Variants in AFF2 observed in about 807,000 individuals in gnomAD.
AFF2 encodes AF4/FMR2 family member 2.
AFF2 carries 14 observed loss-of-function variants against 76.9 expected under a neutral mutation model. The ratio of observed to expected loss-of-function variants is 0.18; its 90% confidence interval spans 0.12 to 0.28. The LOEUF is 0.28. Among genes scored for constraint, AFF2 ranks in the 10% least tolerant of loss-of-function variants. The pLI, the probability that AFF2 is intolerant of heterozygous loss-of-function variation, is 1.00. For synonymous variants in AFF2, 398 were observed against 366.7 expected, an observed-to-expected ratio of 1.09 and a Z score of -0.98; for missense variants, 868 against 1,001.1, an observed-to-expected ratio of 0.87 and a Z score of 1.79.
chrX:148,867,616 C>T (rs962888885), intron 7 of AFF2, among the ~76,000 whole-genome samples: 3 of 112,177 alleles, frequency 2.7e-5, no homozygotes, highest in Non-Finnish European at 5.6e-5. Context: ...TTCTTTGATG[C>T]GAACAGTCCT....
chrX:148,732,437 A>T (rs1484237766), intron 3 of AFF2, among the ~76,000 whole-genome samples: 2 of 17,457 alleles, frequency 1.1e-4, no homozygotes, highest in Non-Finnish European at 2.1e-4. Context: ...GGGTGGGGGG[A>T]GGGGGGAGGG....
intron 16 of AFF2, among the ~76,000 whole-genome samples, chrX:148,977,389 C>A (rs1425155679): frequency 1.5e-4 from 16 of 109,492 alleles, no homozygotes; most frequent in Non-Finnish European, 3.0e-4. Flanking sequence ...AAAAAAAAAA[C>A]CAAACCACTT....
intron 1 of AFF2, among the ~76,000 whole-genome samples, chrX:148,538,614 G>A (rs1390588566): frequency 8.9e-6 from 1 of 112,579 alleles, no homozygotes; most frequent in Non-Finnish European, 1.9e-5. Context: ...ATCAAAAACA[G>A]TATTTAAAAA....
chrX:148,843,617 G>A (rs2070629675), intron 7 of AFF2, among the ~76,000 whole-genome samples, 184 bp downstream of exon 7: 1 of 111,304 alleles, frequency 9.0e-6, no homozygotes. Flanking sequence ...AGTCTACTTG[G>A]ACTGCTATAA....
At chrX:148,598,765 G>A (rs2053599779) in intron 1 of AFF2, among the ~76,000 whole-genome samples, 1 of 112,308 alleles carries the variant, frequency 8.9e-6, no homozygotes, top group African/African-American at 3.2e-5. Flanking sequence ...TAGTGTTTGC[G>A]TTTAATGTCT....
Position 148,586,631 on chromosome X carries a change from G to A in AFF2, c.48-65368G>A, listed in dbSNP as rs1413875823. On this transcript the variant is annotated intron_variant, in intron 1 of 20. Coordinates refer to ENST00000370460, the MANE Select transcript of AFF2 (RefSeq NM_002025.4). ...GAGACAAAGAATTCTTCAATATTTA[G>A]AGAATAGGACAGATATTGGACTAAT... 4.5e-5 allele frequency among the ~76,000 whole-genome samples: 5 copies of A among 112,097 alleles called. No individual in the cohort carries two copies. In the East Asian group the frequency reaches 1.1e-3, roughly 25 times the overall value.
chrX:148,632,791 A>G (rs13441147), intron 1 of AFF2, among the ~76,000 whole-genome samples: 20,564 of 110,905 alleles, frequency 0.19, 1,407 homozygotes, highest in Non-Finnish European at 0.2. Flanking sequence ...CACACTGGAA[A>G]CTTTCCAGTA....
intron 3 of AFF2, among the ~76,000 whole-genome samples, chrX:148,676,461 T>G (rs1557259504): frequency 1.8e-5 from 2 of 111,981 alleles, no homozygotes. Context: ...TTGCATTGAG[T>G]GCCCATTGTG....
chrX:148,752,440 G>A (rs782397922), intron 3 of AFF2, among the ~76,000 whole-genome samples: 2 of 111,620 alleles, frequency 1.8e-5, no homozygotes, highest in Non-Finnish European at 3.8e-5. Context: ...TCAAACCACT[G>A]GGGAATCAAA....
At chrX:148,989,424 T>G (rs1368967721) in intron 20 of AFF2, among the ~76,000 whole-genome samples, 1 of 111,890 alleles carries the variant, frequency 8.9e-6, no homozygotes, top group Non-Finnish European at 1.9e-5. Flanking sequence ...TGTCAAAGAG[T>G]TGCTAAATTC....
chrX:148,639,803 A>G (rs1241174391), intron 1 of AFF2, among the ~76,000 whole-genome samples: 5 of 111,849 alleles, frequency 4.5e-5, no homozygotes, highest in Non-Finnish European at 9.4e-5. Context: ...ATTAATTGGT[A>G]GGATGTGGGC....
At chrX:148,545,461 C>G (rs1426833115) in intron 1 of AFF2, among the ~76,000 whole-genome samples, 1 of 111,958 alleles carries the variant, frequency 8.9e-6, no homozygotes, top group Non-Finnish European at 1.9e-5. Flanking sequence ...AATAACTTCA[C>G]TAGCTTGATC....
chrX:148,574,981 TGTGTGA>T lies in AFF2; in HGVS notation c.47+73839_47+73844del, dbSNP rs1202298505. Among the ~76,000 whole-genome samples the T allele has an allele frequency of 3.3e-3, 309 of 92,779 alleles. 1 individual carries two copies. The highest frequency in any genetic ancestry group is 0.013 in the African/African-American group (292 of 22,393). 80.6% of individuals were successfully genotyped at this position (92,779 alleles called of 115,157 possible). A position where few individuals can be genotyped will look rare whatever the true frequency, so the allele number is the denominator to read the frequency against. ...GTGTGTGTGTGTGTGTGTGTGTGTG[TGTGTGA>T]GAGAGAGACTGAGCACTGGACACTG... On this transcript the variant is annotated intron_variant, in intron 1 of 20. Transcript: ENST00000370460.
intron 3 of AFF2, among the ~76,000 whole-genome samples, chrX:148,736,809 C>T (rs781840122): frequency 6.3e-5 from 7 of 111,585 alleles, no homozygotes; most frequent in Admixed American, 1.9e-4. Flanking sequence ...ACAGATGAGG[C>T]TCCAGTTTCA....
intron 3 of AFF2, among the ~76,000 whole-genome samples, chrX:148,761,467 GTT>G (rs77197026): frequency 1.4e-4 from 9 of 63,598 alleles, no homozygotes; most frequent in East Asian, 7.9e-4. Context: ...AGTTTTTTTT[GTT>G]TTTTTTTTTT....
intron 3 of AFF2, among the ~76,000 whole-genome samples, chrX:148,741,032 C>T (rs1001143491): frequency 5.4e-5 from 6 of 111,809 alleles, no homozygotes; most frequent in African/African-American, 2.0e-4. Flanking sequence ...TGGATACCAG[C>T]GCCTGTTCTG....
intron 3 of AFF2, among the ~76,000 whole-genome samples, chrX:148,681,662 AAG>A (rs1486228913): frequency 9.2e-6 from 1 of 108,871 alleles, no homozygotes; most frequent in Non-Finnish European, 1.9e-5. Flanking sequence ...GAAAGAAAGA[AAG>A]AGAAAGAAAG....
At chrX:148,805,231 T>C (rs1557271228) in intron 3 of AFF2, among the ~76,000 whole-genome samples, 1 of 111,791 alleles carries the variant, frequency 8.9e-6, no homozygotes, top group East Asian at 2.8e-4. Flanking sequence ...TGGGCCCAGT[T>C]ATTTAATTTG....
chrX:148,878,761 G>A (rs1185859578), intron 7 of AFF2, among the ~76,000 whole-genome samples: 1 of 111,801 alleles, frequency 8.9e-6, no homozygotes, highest in Non-Finnish European at 1.9e-5. Flanking sequence ...CTTCTCTGGG[G>A]AAATTCACTC....
Sources: allele counts gnomAD v4.1 joint callset (sites outside exome capture counted in the v4.1 genomes callset), GRCh38; gene constraint gnomAD v4.1.1; transcripts MANE v1.5; gene names NCBI Gene and HGNC (gene_info 2026-07-23, HGNC 2026-07-21).